The following OTUD7B variants were observed in gnomAD, a reference collection of about 807,000 sequenced individuals.
OTUD7B encodes OTU domain-containing protein 7B.
OTUD7B carries 34 observed loss-of-function variants against 82.2 expected under a neutral mutation model. That is an observed-to-expected ratio of 0.41 (90% CI 0.31 to 0.55). The LOEUF is 0.55. Among genes scored for constraint, OTUD7B ranks in the 20% least tolerant of loss-of-function variants. OTUD7B has a pLI of 0.20. For missense variants in OTUD7B, 944 were observed against 1,062.1 expected (o/e 0.89, Z 1.55); for synonymous variants, 398 against 402.7 (o/e 0.99, Z 0.14).
chr1:150,032,896 G>A, the OTUD7B span, among the ~76,000 whole-genome samples: 305 of 152,146 alleles, frequency 2.0e-3, 5 homozygotes, highest in East Asian at 6.0e-3. Flanking sequence ...GTTCACCACC[G>A]TCCTCACCAA....
At chr1:149,991,870 A>T (rs1553782156) in intron 1 of OTUD7B, among the ~76,000 whole-genome samples, 1 of 152,178 alleles carries the variant, frequency 6.6e-6, no homozygotes, top group African/African-American at 2.4e-5. Flanking sequence ...ACCAAAGAAA[A>T]AGATGTATAC....
chr1:149,989,575 A>C (rs587630299), intron 1 of OTUD7B, among the ~76,000 whole-genome samples: 1 of 151,224 alleles, frequency 6.6e-6, no homozygotes, highest in South Asian at 2.1e-4. Flanking sequence ...CAAAACAAAC[A>C]AAAAACCCAC....
intron 2 of OTUD7B, among the ~76,000 whole-genome samples, chr1:149,976,026 G>GAA (rs1245259087): frequency 6.0e-5 from 9 of 149,512 alleles, no homozygotes; most frequent in South Asian, 4.3e-4. Context: ...GTCTCAAAAA[G>GAA]AAAAAAAAAG....
At chr1:149,952,053 A>ATT (rs1553773593) in intron 7 of OTUD7B, among the ~76,000 whole-genome samples, 14 of 151,038 alleles carry the variant, frequency 9.3e-5, no homozygotes, top group African/African-American at 2.2e-4. Context: ...TCCTGCACTA[A>ATT]TTTTTTTTTA....
At chr1:149,990,119 C>A (rs911754944) in intron 1 of OTUD7B, among the ~76,000 whole-genome samples, 1 of 152,230 alleles carries the variant, frequency 6.6e-6, no homozygotes, top group Non-Finnish European at 1.5e-5. Context: ...ACCTTCAAGG[C>A]ACTCTGATCT....
chr1:149,957,377 G>A (rs192125928), intron 7 of OTUD7B, among the ~76,000 whole-genome samples: 1 of 151,764 alleles, frequency 6.6e-6, no homozygotes, highest in Non-Finnish European at 1.5e-5. Flanking sequence ...AAATGTTGCT[G>A]CCTGATCCTT....
the OTUD7B span, among the ~76,000 whole-genome samples, chr1:150,061,496 A>G: frequency 1.3e-5 from 2 of 152,182 alleles, no homozygotes; most frequent in East Asian, 3.8e-4. Context: ...ATTATCAGCA[A>G]TACTGTTAAG....
At position 149,939,838 on chromosome 1, in the gene OTUD7B, A is replaced by G. The variant is rs1044338220; in HGVS notation, c.*4019T>C. The G allele has an allele frequency of 6.6e-6, 1 of 152,168 alleles. No individual in the cohort carries two copies. Among genetic ancestry groups the G allele is most frequent in the Non-Finnish European group, 1.5e-5 (1 of 68,062 alleles). 9.4% of individuals were successfully genotyped at this position (152,168 alleles called of 1,614,324 possible). A position where few individuals can be genotyped will look rare whatever the true frequency, so the allele number is the denominator to read the frequency against. On this transcript the variant is annotated 3_prime_UTR_variant, in exon 12 of 12. Coordinates refer to ENST00000581312, the MANE Select transcript of OTUD7B (RefSeq NM_020205.4). ...CAGCCACCTGGGAGGCTGAGACAGGAGAATCACTTGAACCCAGGAGACGGT... is the reference window on the plus strand; with the variant it reads ...CAGCCACCTGGGAGGCTGAGACAGGGGAATCACTTGAACCCAGGAGACGGT...
chr1:150,063,065 G>C, the OTUD7B span, among the ~76,000 whole-genome samples: 1 of 152,012 alleles, frequency 6.6e-6, no homozygotes, highest in Non-Finnish European at 1.5e-5. Context: ...ACTCAGACTA[G>C]ATCATTTCAT....
the OTUD7B span, among the ~76,000 whole-genome samples, chr1:150,044,756 A>T: frequency 2.0e-5 from 3 of 151,860 alleles, no homozygotes; most frequent in Non-Finnish European, 4.4e-5. Context: ...CAACAACCCA[A>T]CATTATAGTC....
Position 149,940,818 on chromosome 1 carries a change from C to G in OTUD7B, c.*3039G>C, listed in dbSNP as rs1394508959. 5 of 151,966 alleles carry G rather than the reference C, an allele frequency of 3.3e-5. No homozygotes were observed. Among genetic ancestry groups the G allele is most frequent in the African/African-American group, 1.2e-4 (5 of 41,344 alleles). 9.4% of individuals were successfully genotyped at this position (151,966 alleles called of 1,614,324 possible). A position where few individuals can be genotyped will look rare whatever the true frequency, so the allele number is the denominator to read the frequency against. ...ATTCCCTCATCTTCCCAAAATACCA[C>G]AAACCAAGCTGAATCTATATTAATT... is the stretch of plus-strand genomic sequence containing the variant. On this transcript the variant is annotated 3_prime_UTR_variant, in exon 12 of 12. Transcript: ENST00000581312.
At chr1:149,956,071 T>C (rs1486209914) in intron 7 of OTUD7B, among the ~76,000 whole-genome samples, 1 of 152,226 alleles carries the variant, frequency 6.6e-6, no homozygotes, top group African/African-American at 2.4e-5. Flanking sequence ...AATTTGATCC[T>C]GTCATTATGA....
At chr1:150,008,030 G>A (rs1004969564) in intron 1 of OTUD7B, among the ~76,000 whole-genome samples, 18 of 152,152 alleles carry the variant, frequency 1.2e-4, no homozygotes, top group Non-Finnish European at 1.8e-4. Flanking sequence ...CCAAAACTTT[G>A]ACAAGTGGCA....
At chr1:150,002,223 A>G (rs1165042263) in intron 1 of OTUD7B, among the ~76,000 whole-genome samples, 3 of 149,818 alleles carry the variant, frequency 2.0e-5, no homozygotes, top group Admixed American at 2.0e-4. Context: ...TTTTTTAGAT[A>G]AATATACTTT....
intron 6 of OTUD7B, chr1:149,960,885 C>CCTTT (rs1297468264): frequency 6.7e-5 from 10 of 150,338 alleles, no homozygotes; most frequent in African/African-American, 2.5e-4. Flanking sequence ...ATCTAATATT[C>CCTTT]CTTTCTTTCT....
chr1:149,977,846 A>G (rs1650432652), intron 1 of OTUD7B, among the ~76,000 whole-genome samples: 1 of 152,170 alleles, frequency 6.6e-6, no homozygotes. Context: ...CTTTTCTACC[A>G]TGAGTTTGCT....
the OTUD7B span, among the ~76,000 whole-genome samples, chr1:150,041,021 T>C: frequency 6.6e-6 from 1 of 152,046 alleles, no homozygotes. Context: ...CTTTTCCTTT[T>C]TTTAATTAAA....
rs1559842734 is a variant in OTUD7B at position 149,967,334 on chromosome 1, GTCTC to G, written c.458_461del (p.Arg153ThrfsTer17). Reference sequence around the variant, plus strand: ...CAACCAGCATGGACTGCTCAATGAGGTCTCTCTCTATGAAGCTGCGGAAGTCTTC... The same window carrying G: ...CAACCAGCATGGACTGCTCAATGAGGTCTCTATGAAGCTGCGGAAGTCTTC... On this transcript the variant is annotated frameshift_variant, in exon 4 of 12. Coordinates refer to ENST00000581312, the MANE Select transcript of OTUD7B (RefSeq NM_020205.4). LOFTEE classifies it high-confidence loss of function. 1 of 1,614,074 alleles carries G rather than the reference GTCTC, an allele frequency of 6.2e-7. No individual in the cohort carries two copies. The highest frequency in any genetic ancestry group is 8.5e-7 in the Non-Finnish European group (1 of 1,179,964).
intron 1 of OTUD7B, among the ~76,000 whole-genome samples, chr1:150,003,266 AG>A (rs369899366): frequency 6.7e-3 from 7 of 1,048 alleles, no homozygotes; most frequent in Admixed American, 0.028. Context: ...AAAAAAAAAA[AG>A]ATAAAAACTC....
Sources: allele counts gnomAD v4.1 joint callset (sites outside exome capture counted in the v4.1 genomes callset), GRCh38; gene constraint gnomAD v4.1.1; transcripts MANE v1.5; gene names NCBI Gene and HGNC (gene_info 2026-07-23, HGNC 2026-07-21).